CCSER1: variants seen among roughly 807,000 people sequenced by gnomAD.
CCSER1 encodes coiled-coil serine rich protein 1, also known as serine-rich coiled-coil domain-containing protein 1.
In CCSER1, 41 loss-of-function variants were observed where a neutral mutation model predicts 82.0. That is an observed-to-expected ratio of 0.50 (90% confidence interval 0.39 to 0.65). CCSER1 has a LOEUF of 0.65. Among genes scored for constraint, CCSER1 ranks in the 30% least tolerant of loss-of-function variants. The pLI, the probability that CCSER1 is intolerant of heterozygous loss-of-function variation, is 0.00. For synonymous variants in CCSER1, 414 were observed against 383.9 expected, an observed-to-expected ratio of 1.08 and a Z score of -0.92; for missense variants, 1,119 against 1,064.2, an observed-to-expected ratio of 1.05 and a Z score of -0.72.
chr4:90,492,835 G>A (rs987406208), intron 5 of CCSER1, among the ~76,000 whole-genome samples: 1 of 152,114 alleles, frequency 6.6e-6, no homozygotes, highest in Non-Finnish European at 1.5e-5. Flanking sequence ...AGTTTTGAGT[G>A]AGTTTCTTAA....
intron 9 of CCSER1, among the ~76,000 whole-genome samples, chr4:91,032,709 T>C (rs1741091248): frequency 6.6e-6 from 1 of 152,222 alleles, no homozygotes; most frequent in Non-Finnish European, 1.5e-5. Flanking sequence ...TTATATTTCT[T>C]AATTGTTATT....
chr4:91,387,719 A>G (rs1251250767), intron 10 of CCSER1, among the ~76,000 whole-genome samples: 1 of 149,762 alleles, frequency 6.7e-6, no homozygotes, highest in Middle Eastern at 3.5e-3. Flanking sequence ...ACAAGGAGTT[A>G]ACTAAATGAT....
At chr4:91,427,266 TA>T (rs1338984411) in intron 10 of CCSER1, among the ~76,000 whole-genome samples, 1 of 152,096 alleles carries the variant, frequency 6.6e-6, no homozygotes, top group African/African-American at 2.4e-5. Flanking sequence ...ACAAAGTAAA[TA>T]AAATTTCCCC....
At chr4:91,058,725 CTTATA>C (rs780519091) in intron 9 of CCSER1, among the ~76,000 whole-genome samples, 21 of 151,920 alleles carry the variant, frequency 1.4e-4, no homozygotes, top group Non-Finnish European at 2.2e-4. Flanking sequence ...AATCCCTAAA[CTTATA>C]TTATTTTATG....
intron 10 of CCSER1, among the ~76,000 whole-genome samples, chr4:91,477,396 T>A (rs1026697840): frequency 5.9e-5 from 9 of 151,776 alleles, no homozygotes; most frequent in Non-Finnish European, 1.3e-4. Context: ...TTCTAGAATC[T>A]ACTGTAATAC....
rs555142062 is a variant in CCSER1, at chr4:90,594,519, G to A, written c.1725-33506G>A. On this transcript the variant is annotated intron_variant, in intron 5 of 10. Transcript: ENST00000509176. ...GCTTAGATACCTTTCTACCACTATAGTAAACAGTCTCACAGAACTCAATAG... is the reference window on the plus strand; with the variant it reads ...GCTTAGATACCTTTCTACCACTATAATAAACAGTCTCACAGAACTCAATAG... 3.3e-5 allele frequency among the ~76,000 whole-genome samples: 5 copies of A among 152,174 alleles called. No homozygotes were observed. In the South Asian group the frequency reaches 1.0e-3, roughly 32 times the overall value.
At chr4:91,301,799 T>G (rs1017540216) in intron 10 of CCSER1, among the ~76,000 whole-genome samples, 1 of 151,780 alleles carries the variant, frequency 6.6e-6, no homozygotes. Context: ...AGAAAGTAAA[T>G]TAAGCCACCA....
intron 8 of CCSER1, among the ~76,000 whole-genome samples, chr4:90,866,453 T>G (rs1378231825): frequency 6.6e-6 from 1 of 152,064 alleles, no homozygotes; most frequent in East Asian, 1.9e-4. Flanking sequence ...ATAGTTTGTA[T>G]AGGCATTAGC....
At position 90,923,413 on chromosome 4, in the gene CCSER1, A is replaced by G. The variant is rs1416219355; in HGVS notation, c.2138A>G (p.Asp713Gly). ...CAGAAGGCTTTTGCTTCAAGAGTAG[A>G]TAAATCCACACAGACTGAACTACTA... ...HLQKAFASRV[D>G]KSTQTELLCY... The change falls in exon 9 of 11, where the codon GAT becomes GGT. Residue 713 changes from aspartate to glycine, a missense_variant. Physicochemically the swap from Asp to Gly is moderately conservative, Grantham distance 94. Transcript: ENST00000509176. 15 of 1,551,468 alleles carry G rather than the reference A, an allele frequency of 9.7e-6. No homozygotes were observed. Among genetic ancestry groups the G allele is most frequent in the Non-Finnish European group, 1.3e-5 (15 of 1,146,804 alleles).
intron 6 of CCSER1, among the ~76,000 whole-genome samples, chr4:90,697,012 A>G (rs1450675310): frequency 6.6e-6 from 1 of 151,734 alleles, no homozygotes; most frequent in Non-Finnish European, 1.5e-5. Context: ...AGGAAGGATG[A>G]GAACAGATAC....
At position 91,548,653 on chromosome 4, in the gene CCSER1, T is replaced by C. The variant is rs144702846; in HGVS notation, c.2218-49919T>C. On this transcript the variant is annotated intron_variant, in intron 10 of 10. Transcript: ENST00000509176. Reference sequence around the variant, plus strand: ...AATTCTAGGTTTGTGGGTTTTTCTCTCTCAATATTTTAAATATTCTATTCA... The same window carrying C: ...AATTCTAGGTTTGTGGGTTTTTCTCCCTCAATATTTTAAATATTCTATTCA... Among the ~76,000 whole-genome samples, 120 of 152,196 alleles carry C rather than the reference T, an allele frequency of 7.9e-4. 1 individual carries two copies. In the East Asian group the frequency reaches 0.022, roughly 28 times the overall value.
At chr4:90,939,289 T>C (rs1731321234) in intron 9 of CCSER1, among the ~76,000 whole-genome samples, 2 of 152,078 alleles carry the variant, frequency 1.3e-5, no homozygotes, top group South Asian at 4.1e-4. Context: ...CTACAGAAAA[T>C]ATAACACCTG....
intron 1 of CCSER1, among the ~76,000 whole-genome samples, chr4:90,236,023 C>T (rs1395665896): frequency 6.6e-6 from 1 of 152,102 alleles, no homozygotes; most frequent in Non-Finnish European, 1.5e-5. Flanking sequence ...CTTACTGCAG[C>T]CTTGACCTCC....
intron 4 of CCSER1, among the ~76,000 whole-genome samples, chr4:90,428,930 A>T (rs1045922763): frequency 1.3e-5 from 2 of 151,862 alleles, no homozygotes; most frequent in African/African-American, 4.8e-5. Context: ...GACATCCTGG[A>T]ATAGCAGAGG....
At chr4:90,209,373 G>C (rs998421131) in intron 1 of CCSER1, among the ~76,000 whole-genome samples, 6 of 152,142 alleles carry the variant, frequency 3.9e-5, no homozygotes, top group African/African-American at 1.4e-4. Flanking sequence ...TAGTGGAACA[G>C]ATGGTGGAGG....
intron 9 of CCSER1, among the ~76,000 whole-genome samples, chr4:91,085,274 G>A (rs1291137093): frequency 2.6e-5 from 4 of 151,974 alleles, no homozygotes; most frequent in Admixed American, 6.6e-5. Context: ...TTTTAAATTT[G>A]TGTTCTCCAA....
chr4:90,453,612 G>T (rs958966760), intron 4 of CCSER1, among the ~76,000 whole-genome samples: 6 of 152,148 alleles, frequency 3.9e-5, no homozygotes, highest in Non-Finnish European at 8.8e-5. Flanking sequence ...CTACTATGGG[G>T]AGACAAAGAG....
chr4:90,291,812 G>A (rs76109030), intron 1 of CCSER1, among the ~76,000 whole-genome samples: 1 of 151,852 alleles, frequency 6.6e-6, no homozygotes, highest in Non-Finnish European at 1.5e-5. Flanking sequence ...AGGTGAATTT[G>A]TTAATTATTG....
intron 4 of CCSER1, among the ~76,000 whole-genome samples, chr4:90,466,389 G>A (rs1479792217): frequency 6.6e-6 from 1 of 152,176 alleles, no homozygotes; most frequent in Admixed American, 6.6e-5. Flanking sequence ...GTGGTCCCTC[G>A]TCACAACAGC....
Sources: allele counts gnomAD v4.1 joint callset (sites outside exome capture counted in the v4.1 genomes callset), GRCh38; gene constraint gnomAD v4.1.1; transcripts MANE v1.5; gene names NCBI Gene and HGNC (gene_info 2026-07-23, HGNC 2026-07-21).